The following ABCA12 variants were observed in gnomAD, a reference collection of about 807,000 sequenced individuals.
ABCA12 encodes glucosylceramide transporter ABCA12.
A neutral mutation model predicts 293.5 loss-of-function variants in ABCA12; 156 were observed. That is an observed-to-expected ratio of 0.53 (90% CI 0.47 to 0.61). The LOEUF is 0.61. Ranked by LOEUF, ABCA12 falls within the 20% of genes least tolerant of loss-of-function variation. The pLI, the probability that ABCA12 is intolerant of heterozygous loss-of-function variation, is 0.00. For missense variants in ABCA12, 2,797 were observed against 3,090.2 expected (o/e 0.91, Z 2.25); for synonymous variants, 1,063 against 1,108.0 (o/e 0.96, Z 0.81).
chr2:215,115,092 A>G (rs544844236), intron 1 of ABCA12, among the ~76,000 whole-genome samples: 3 of 152,312 alleles, frequency 2.0e-5, no homozygotes, highest in East Asian at 3.9e-4. Flanking sequence ...CAAAAATGCA[A>G]TCTATACCAG....
intron 35 of ABCA12, 86 bp downstream of exon 35, chr2:214,974,692 A>G: frequency 2.3e-6 from 3 of 1,292,334 alleles, no homozygotes; most frequent in Admixed American, 3.4e-5. Flanking sequence ...TTCCAGGCAA[A>G]TAACAGACAC....
intron 21 of ABCA12, 97 bp from the exon 22 acceptor site, chr2:215,001,117 T>A (rs763009472): frequency 8.2e-7 from 1 of 1,216,938 alleles, no homozygotes; most frequent in Admixed American, 2.0e-5. Context: ...AAACAGTCAA[T>A]TGAGTTAGTA....
intron 51 of ABCA12, 121 bp from the exon 52 acceptor site, chr2:214,934,336 A>G: frequency 9.0e-7 from 1 of 1,117,056 alleles, no homozygotes. Context: ...AAATGATGCT[A>G]CAGTATAAAT....
intron 23 of ABCA12, among the ~76,000 whole-genome samples, chr2:214,992,214 G>T (rs747946610): frequency 2.2e-4 from 34 of 151,506 alleles, no homozygotes; most frequent in Non-Finnish European, 4.7e-4. Flanking sequence ...AGGCCAAGAC[G>T]GGCAGATCAC....
At chr2:215,074,683 C>T (rs941365327) in intron 2 of ABCA12, among the ~76,000 whole-genome samples, 5 of 152,132 alleles carry the variant, frequency 3.3e-5, no homozygotes, top group African/African-American at 1.2e-4. Flanking sequence ...GAGGCTCACG[C>T]CTGTAATCCC....
Position 215,011,865 on chromosome 2 carries a change from GT to G in ABCA12, c.2121+105del, listed in dbSNP as rs539808382. 8,922 of 1,020,812 alleles carry G rather than the reference GT, an allele frequency of 8.7e-3. 1 individual carries two copies. Among genetic ancestry groups the G allele is most frequent in the Non-Finnish European group, 0.01 (7,260 of 696,648 alleles). The allele number at this position is 1,020,812 out of a possible 1,614,324, so 63.2% of individuals were successfully genotyped here. On this transcript the variant is annotated intron_variant, in intron 16 of 52. Transcript: ENST00000272895. The stretch of plus-strand genomic sequence containing the variant: ...GTAGAAGAGTTTTCTTGTAGGTGTT[GT>G]TTTTTTTTTTTTCAATGTACTACGA...
intron 30 of ABCA12, among the ~76,000 whole-genome samples, chr2:214,981,399 T>C (rs1453321803): frequency 6.6e-6 from 1 of 152,228 alleles, no homozygotes; most frequent in East Asian, 1.9e-4. Flanking sequence ...ACTCCGTTGC[T>C]TCACATCCTG....
chr2:214,956,553 A>T lies in ABCA12; in HGVS notation c.6233+110T>A. 3 of 792,658 alleles carry T rather than the reference A, an allele frequency of 3.8e-6. No homozygotes were observed. The South Asian group carries it at 4.7e-5, about 12-fold the overall frequency. 49.1% of individuals were successfully genotyped at this position (792,658 alleles called of 1,614,324 possible). ...GTGTTGTTAGTCATCACTCATGTCA[A>T]ATGAAACCCCAAGACAATTGTAATT... On this transcript the variant is annotated intron_variant, in intron 42 of 52. Transcript: ENST00000272895.
intron 45 of ABCA12, 24 bp downstream of exon 45, chr2:214,950,851 CAGTT>C: frequency 1.2e-6 from 2 of 1,603,300 alleles, no homozygotes; most frequent in South Asian, 1.1e-5. Flanking sequence ...ATGAAAAGGA[CAGTT>C]AGAAACAAAA....
At chr2:215,108,611 A>C (rs1438540831) in intron 2 of ABCA12, among the ~76,000 whole-genome samples, 1 of 152,234 alleles carries the variant, frequency 6.6e-6, no homozygotes, top group African/African-American at 2.4e-5. Flanking sequence ...GGTACACAGT[A>C]TGAGATCAAG....
At chr2:215,007,699 T>G (rs1348725725) in intron 19 of ABCA12, 28 bp downstream of exon 19, 1 of 1,613,416 alleles carries the variant, frequency 6.2e-7, no homozygotes, top group Admixed American at 1.7e-5. Flanking sequence ...AAATTCCTAC[T>G]AAGTTGAATG....
intron 15 of ABCA12, among the ~76,000 whole-genome samples, chr2:215,014,568 T>C (rs1574983879): frequency 6.6e-6 from 1 of 152,122 alleles, no homozygotes; most frequent in East Asian, 1.9e-4. Context: ...AGAAGGGTGA[T>C]ATAATGAGAC....
intron 6 of ABCA12, among the ~76,000 whole-genome samples, chr2:215,046,573 C>T (rs1360977481): frequency 6.7e-6 from 1 of 150,370 alleles, no homozygotes; most frequent in East Asian, 1.9e-4. Flanking sequence ...ATTACACATA[C>T]TTAGTGCTAT....
intron 1 of ABCA12, among the ~76,000 whole-genome samples, chr2:215,116,550 T>C (rs1702690248): frequency 1.3e-5 from 2 of 152,248 alleles, no homozygotes; most frequent in Admixed American, 1.3e-4. Context: ...GTGGCTGTAT[T>C]TAAACATTAA....
chr2:214,959,709 GC>G (rs1559115480), intron 39 of ABCA12, among the ~76,000 whole-genome samples: 1 of 152,138 alleles, frequency 6.6e-6, no homozygotes, highest in East Asian at 1.9e-4. Context: ...ATATTAGCTG[GC>G]TTCAGAAAAG....
chr2:215,049,559 A>AC, intron 6 of ABCA12, 67 bp downstream of exon 6: 4 of 1,488,668 alleles, frequency 2.7e-6, no homozygotes, highest in Non-Finnish European at 3.7e-6. Flanking sequence ...TTCCCAGTCT[A>AC]CACGGGCTAT....
chr2:214,991,294 T>A (rs2105977204), intron 23 of ABCA12, among the ~76,000 whole-genome samples: 1 of 152,300 alleles, frequency 6.6e-6, no homozygotes, highest in Admixed American at 6.5e-5. Context: ...CAGTTCCACT[T>A]TATAATTGTT....
intron 2 of ABCA12, among the ~76,000 whole-genome samples, chr2:215,093,812 A>T (rs1702197105): frequency 6.6e-6 from 1 of 152,082 alleles, no homozygotes; most frequent in African/African-American, 2.4e-5. Flanking sequence ...CCCAGACTTC[A>T]ATCCGGCCTC....
intron 1 of ABCA12, among the ~76,000 whole-genome samples, chr2:215,137,672 T>C (rs1170444553): frequency 6.6e-6 from 1 of 152,248 alleles, no homozygotes; most frequent in Non-Finnish European, 1.5e-5. Flanking sequence ...TCTATACTAA[T>C]AGCCTTCAAA....
Sources: gnomAD v4.1 joint callset for allele counts (sites outside exome capture counted in the v4.1 genomes callset) on GRCh38, gnomAD v4.1.1 for gene constraint, MANE v1.5 for transcripts, NCBI Gene and HGNC (gene_info 2026-07-23, HGNC 2026-07-21) for gene names.